Variants in NEIL3 observed in about 807,000 individuals in gnomAD.
The protein encoded by NEIL3 is nei like DNA glycosylase 3, also known as endonuclease 8-like 3.
NEIL3 carries 48 observed loss-of-function variants against 57.5 expected under a neutral mutation model. That is an observed-to-expected ratio of 0.83 (90% CI 0.66 to 1.06). NEIL3 has a LOEUF of 1.06. Ranked by LOEUF, NEIL3 falls within the 50% of genes least tolerant of loss-of-function variation. NEIL3 has a pLI of 0.00. For synonymous variants in NEIL3, 261 were observed against 253.2 expected (o/e 1.03, Z -0.29); for missense variants, 717 against 739.1 (o/e 0.97, Z 0.35).
chr4:177,353,179 T>C, intron 7 of NEIL3, 129 bp from the exon 8 acceptor site: 2 of 705,102 alleles, frequency 2.8e-6, no homozygotes, highest in Non-Finnish European at 2.3e-6. Flanking sequence ...AACTTTGTGT[T>C]ATTAGTTCTA....
At chr4:177,354,919 C>T (rs1560921694) in intron 8 of NEIL3, among the ~76,000 whole-genome samples, 1 of 151,848 alleles carries the variant, frequency 6.6e-6, no homozygotes, top group Non-Finnish European at 1.5e-5. Context: ...AGGAGAACAC[C>T]CTCATTTTTG....
In NEIL3 at chr4:177,362,353, A is replaced by G; in HGVS notation, c.1700A>G (p.Lys567Arg). ...CGTTCCACCATGAAAACAGTATTGA[A>G]GATTGGACCTAACAATGGAAAGAAT... ...GKRSTMKTVL[K>R]IGPNNGKNFF... is the part of the protein sequence containing the mutation. The change falls in exon 10 of 10, where the codon AAG becomes AGG. Residue 567 changes from lysine (K) to arginine (R), a missense_variant. Physicochemically the swap from Lys to Arg is conservative, Grantham distance 26. Transcript: ENST00000264596. The G allele has an allele frequency of 6.2e-7, 1 of 1,613,442 alleles. No homozygotes were observed. Among genetic ancestry groups the G allele is most frequent in the Non-Finnish European group, 8.5e-7 (1 of 1,179,728 alleles).
At chr4:177,352,101 A>AG (rs1273428134) in intron 7 of NEIL3, among the ~76,000 whole-genome samples, 3 of 152,254 alleles carry the variant, frequency 2.0e-5, no homozygotes, top group Non-Finnish European at 2.9e-5. Context: ...AAAACCTCAG[A>AG]GGAAACCTGT....
rs1734441321 is a variant in NEIL3 at position 177,309,907 on chromosome 4, T to C, written c.-47T>C. 1.9e-6 allele frequency: 3 copies of C among 1,583,268 alleles called. No individual in the cohort carries two copies. Among genetic ancestry groups the C allele is most frequent in the Non-Finnish European group, 2.6e-6 (3 of 1,167,580 alleles). ...CGCAGCGTTGAGTTGCACAGCGGTA[T>C]TCTCACCAGGCCCTGCAATCGGTGG... On this transcript the variant is annotated 5_prime_UTR_variant, in exon 1 of 10. Transcript: ENST00000264596.
chr4:177,355,882 G>T (rs1164736058), intron 8 of NEIL3, among the ~76,000 whole-genome samples: 8 of 151,922 alleles, frequency 5.3e-5, no homozygotes, highest in Admixed American at 5.2e-4. Context: ...TTAATGTCTT[G>T]TTCATAATCA....
In NEIL3 at chr4:177,353,467, G is replaced by A. The variant is rs1285270719; in HGVS notation, c.1199G>A (p.Ser400Asn). Reference sequence around the variant, plus strand: ...TTGACTGATTTTAGCAATAAATCCAGTACTTTGGAAAGAAAAACAAAGCAA... The same window carrying A: ...TTGACTGATTTTAGCAATAAATCCAATACTTTGGAAAGAAAAACAAAGCAA... ...LVLTDFSNKSSTLERKTKQNQ... is the reference protein window; with the variant it reads ...LVLTDFSNKSNTLERKTKQNQ... Residue 400 changes from serine (S) to asparagine (N), a missense_variant, in exon 8 of 10, where the codon AGT (serine) becomes AAT (asparagine). Coordinates refer to ENST00000264596, the MANE Select transcript of NEIL3 (RefSeq NM_018248.3). The A allele has an allele frequency of 2.5e-6, 4 of 1,613,836 alleles. No homozygotes were observed. In the Admixed American group the frequency reaches 5.0e-5, roughly 20 times the overall value.
chr4:177,329,439 G>A (rs1308178224), intron 2 of NEIL3, among the ~76,000 whole-genome samples: 1 of 151,982 alleles, frequency 6.6e-6, no homozygotes, highest in Non-Finnish European at 1.5e-5. Context: ...AAAGAAAGCT[G>A]GAGTAGCTAG....
At chr4:177,334,660 T>G (rs1032650684) in intron 2 of NEIL3, among the ~76,000 whole-genome samples, 6 of 152,178 alleles carry the variant, frequency 3.9e-5, no homozygotes, top group Admixed American at 3.9e-4. Flanking sequence ...GCATGTAAAA[T>G]GCATTTATGA....
In NEIL3 at chr4:177,322,673, A is replaced by G; in HGVS notation, c.278+93A>G. 4.8e-6 allele frequency: 7 copies of G among 1,470,426 alleles called. No individual in the cohort carries two copies. The South Asian group carries it at 5.9e-5, about 12-fold the overall frequency. The allele number at this position is 1,470,426 out of a possible 1,614,324, so 91.1% of individuals were successfully genotyped here. ...TTTGCCGGGTGTCACATTTAATCAT[A>G]TAGGAAGTACTGTGTTTTTAAGAGA... On this transcript the variant is annotated intron_variant, in intron 2 of 9. Transcript: ENST00000264596.
intron 9 of NEIL3, among the ~76,000 whole-genome samples, chr4:177,361,720 ATTCT>A (rs1284632584): frequency 6.6e-6 from 1 of 152,186 alleles, no homozygotes; most frequent in African/African-American, 2.4e-5. Flanking sequence ...TAAGTATTTG[ATTCT>A]TTCTTTTCCT....
chr4:177,353,287 A>G, intron 7 of NEIL3, 21 bp from the exon 8 acceptor site: 2 of 1,587,534 alleles, frequency 1.3e-6, no homozygotes, highest in Non-Finnish European at 1.7e-6. Flanking sequence ...CTATTGCAGA[A>G]TTACTTCTCT....
At chr4:177,339,626 ATAAG>A (rs1735049851) in intron 4 of NEIL3, among the ~76,000 whole-genome samples, 153 bp from the exon 5 acceptor site, 1 of 152,210 alleles carries the variant, frequency 6.6e-6, no homozygotes, top group Admixed American at 6.5e-5. Context: ...AAATCTGCGT[ATAAG>A]TGGACCCTCC....
chr4:177,338,472 C>G (rs1195639841), intron 4 of NEIL3, among the ~76,000 whole-genome samples: 2 of 152,162 alleles, frequency 1.3e-5, no homozygotes, highest in Non-Finnish European at 2.9e-5. Context: ...ATTTTTCATT[C>G]ATGTTTGATT....
chr4:177,350,620 T>A (rs1019328778), intron 6 of NEIL3, among the ~76,000 whole-genome samples: 5 of 152,188 alleles, frequency 3.3e-5, no homozygotes, highest in Middle Eastern at 3.4e-3. Flanking sequence ...AATTCTAGAG[T>A]TTCCTGAGTT....
At chr4:177,332,510 G>A (rs1734902016) in intron 2 of NEIL3, among the ~76,000 whole-genome samples, 1 of 152,026 alleles carries the variant, frequency 6.6e-6, no homozygotes, top group Non-Finnish European at 1.5e-5. Flanking sequence ...CCTCTCCCTT[G>A]GCCCCAGCAG....
chr4:177,349,628 T>C (rs929328008), intron 6 of NEIL3, among the ~76,000 whole-genome samples: 25 of 152,196 alleles, frequency 1.6e-4, no homozygotes, highest in Admixed American at 5.2e-4. Context: ...TATAGATTCC[T>C]GGAATTGTGC....
intron 6 of NEIL3, among the ~76,000 whole-genome samples, chr4:177,349,244 C>T (rs891262840): frequency 1.3e-5 from 2 of 151,904 alleles, no homozygotes; most frequent in Non-Finnish European, 2.9e-5. Context: ...TTATCATGAC[C>T]TTGGTAGCTT....
chr4:177,337,950 C>T (rs1246494368), intron 4 of NEIL3, among the ~76,000 whole-genome samples: 1 of 151,982 alleles, frequency 6.6e-6, no homozygotes, highest in Non-Finnish European at 1.5e-5. Flanking sequence ...GCCCGGGAGG[C>T]GGAGGTTGCA....
At chr4:177,349,597 CCTT>C (rs1162910203) in intron 6 of NEIL3, among the ~76,000 whole-genome samples, 2 of 152,166 alleles carry the variant, frequency 1.3e-5, no homozygotes, top group African/African-American at 4.8e-5. Flanking sequence ...TGCAAACCCT[CCTT>C]CTTTATAAAG....
Sources: gnomAD v4.1 joint callset for allele counts (sites outside exome capture counted in the v4.1 genomes callset) on GRCh38, gnomAD v4.1.1 for gene constraint, MANE v1.5 for transcripts, NCBI Gene and HGNC (gene_info 2026-07-23, HGNC 2026-07-21) for gene names.